Variants in RBPMS observed in about 807,000 individuals in gnomAD.
RBPMS encodes RNA binding protein, mRNA processing factor.
A neutral mutation model predicts 26.8 loss-of-function variants in RBPMS; 7 were observed. The ratio of observed to expected loss-of-function variants is 0.26; its 90% CI spans 0.15 to 0.49. The LOEUF (loss-of-function observed/expected upper bound fraction) is 0.49. Ranked by LOEUF, RBPMS falls within the 20% of genes least tolerant of loss-of-function variation. The pLI is 0.98. For synonymous variants in RBPMS, 96 were observed against 93.3 expected, an observed-to-expected ratio of 1.03 and a Z score of -0.17; for missense variants, 186 against 250.0, an observed-to-expected ratio of 0.74 and a Z score of 1.73.
At chr8:30,421,496 A>G (rs574064293) in intron 1 of RBPMS, among the ~76,000 whole-genome samples, 1 of 152,314 alleles carries the variant, frequency 6.6e-6, no homozygotes, top group South Asian at 2.1e-4. Flanking sequence ...TTCCTTAAGT[A>G]CAAACATCAT....
At chr8:30,496,729 T>TA (rs1820002446) in intron 4 of RBPMS, among the ~76,000 whole-genome samples, 1 of 152,200 alleles carries the variant, frequency 6.6e-6, no homozygotes, top group Non-Finnish European at 1.5e-5. Context: ...AACACAGTGA[T>TA]ATATTAATAA....
chr8:30,533,469 C>A (rs959450608), intron 5 of RBPMS, among the ~76,000 whole-genome samples: 1 of 152,178 alleles, frequency 6.6e-6, no homozygotes, highest in Non-Finnish European at 1.5e-5. Context: ...TTGTTGCTAG[C>A]AGCTTTGTTA....
In RBPMS at chr8:30,563,050, C is replaced by T. The variant is rs1251549811; in HGVS notation, c.*8-3207C>T. Among the ~76,000 whole-genome samples, 3 of 152,158 alleles carry T rather than the reference C, an allele frequency of 2.0e-5. No homozygotes were observed. The East Asian group carries it at 5.8e-4, about 29-fold the overall frequency. On this transcript the variant is annotated intron_variant, in intron 7 of 8. Transcript: ENST00000397323. ...AGTTCTAATGGCAGAGAACTGTGGA[C>T]ACATGTACAGGAGAGGGAGTTACTG...
chr8:30,439,138 G>T (rs1282254777), intron 1 of RBPMS, among the ~76,000 whole-genome samples: 1 of 152,206 alleles, frequency 6.6e-6, no homozygotes, highest in African/African-American at 2.4e-5. Flanking sequence ...CTCTGATACT[G>T]CAGTACTAGT....
intron 1 of RBPMS, among the ~76,000 whole-genome samples, chr8:30,430,347 A>T (rs1213676551): frequency 6.6e-6 from 1 of 152,222 alleles, no homozygotes; most frequent in East Asian, 1.9e-4. Flanking sequence ...GAGGAGTAAC[A>T]AGTTGTACGT....
At chr8:30,465,727 T>G (rs147137048) in intron 1 of RBPMS, among the ~76,000 whole-genome samples, 1,716 of 152,314 alleles carry the variant, frequency 0.011, 19 homozygotes, top group Non-Finnish European at 0.017. Context: ...AGGTGGAGGT[T>G]GCAGTGTGCC....
intron 6 of RBPMS, chr8:30,555,952 C>T (rs983523591): frequency 3.0e-6 from 3 of 985,468 alleles, no homozygotes; most frequent in Non-Finnish European, 3.6e-6. Context: ...GCACCATGAG[C>T]CCTGCCGCTC....
chr8:30,547,347 A>C, intron 6 of RBPMS: 1 of 1,613,892 alleles, frequency 6.2e-7, no homozygotes, highest in Non-Finnish European at 8.5e-7. Flanking sequence ...CTTCTCCAGC[A>C]AATTAGATTT....
intron 1 of RBPMS, among the ~76,000 whole-genome samples, chr8:30,416,742 G>C (rs1406957449): frequency 6.6e-6 from 1 of 151,640 alleles, no homozygotes; most frequent in African/African-American, 2.4e-5. Context: ...CAAAGTGCTG[G>C]GATTACAGGT....
intron 6 of RBPMS, chr8:30,555,808 TG>T (rs1457078340): frequency 5.6e-6 from 5 of 897,542 alleles, no homozygotes; most frequent in African/African-American, 5.4e-5. Context: ...AGGAGTGACC[TG>T]GGGCCAAAAG....
chr8:30,557,498 A>G (rs1263261189), intron 6 of RBPMS, among the ~76,000 whole-genome samples: 1 of 152,178 alleles, frequency 6.6e-6, no homozygotes, highest in Non-Finnish European at 1.5e-5. Flanking sequence ...CTGTAAAACA[A>G]GGAGATGAGG....
rs758751339 is a variant in RBPMS at position 30,558,972 on chromosome 8, C to T, written c.*7+16C>T. ...TGAATACTATGTAAGTACTCGCTTT[C>T]CTTTGGAATGTGCGAAGCCCCTAGA... On this transcript the variant is annotated intron_variant, in intron 7 of 8. Transcript: ENST00000397323. The T allele has an allele frequency of 1.2e-6, 2 of 1,610,174 alleles. No homozygotes were observed. Among genetic ancestry groups the T allele is most frequent in the South Asian group, 1.1e-5 (1 of 91,010 alleles).
chr8:30,533,518 C>T (rs2151017865), intron 5 of RBPMS, among the ~76,000 whole-genome samples: 1 of 152,294 alleles, frequency 6.6e-6, no homozygotes, highest in South Asian at 2.1e-4. Context: ...GGTGGCTTTG[C>T]TCCTGTAGGT....
intron 1 of RBPMS, among the ~76,000 whole-genome samples, chr8:30,447,590 T>G (rs1313702664): frequency 6.6e-6 from 1 of 152,186 alleles, no homozygotes; most frequent in East Asian, 1.9e-4. Context: ...GATCTCCTAA[T>G]TCTTAATTTA....
intron 1 of RBPMS, among the ~76,000 whole-genome samples, chr8:30,445,648 G>GTA: frequency 4.6e-5 from 1 of 21,912 alleles, no homozygotes; most frequent in African/African-American, 2.1e-4. Context: ...ATATACACAC[G>GTA]GATATATATA....
intron 1 of RBPMS, among the ~76,000 whole-genome samples, chr8:30,441,925 G>A (rs930249050): frequency 6.6e-6 from 1 of 152,148 alleles, no homozygotes; most frequent in Admixed American, 6.5e-5. Flanking sequence ...GAGTAGCTGG[G>A]ATTACAGGCG....
intron 4 of RBPMS, among the ~76,000 whole-genome samples, chr8:30,496,318 G>A (rs149355151): frequency 0.011 from 1,610 of 152,028 alleles, 32 homozygotes; most frequent in African/African-American, 0.036. Flanking sequence ...ACAGGCGTCC[G>A]CCACCACGCC....
chr8:30,517,189 C>CGTGT (rs56327512), intron 5 of RBPMS, among the ~76,000 whole-genome samples: 9,625 of 132,322 alleles, frequency 0.073, 389 homozygotes, highest in Middle Eastern at 0.1. Flanking sequence ...GCCAAGACCC[C>CGTGT]GTGTGTGTGT....
chr8:30,438,814 C>T (rs1056833380), intron 1 of RBPMS, among the ~76,000 whole-genome samples: 6 of 152,086 alleles, frequency 3.9e-5, no homozygotes, highest in African/African-American at 1.4e-4. Context: ...GCTCTGCCAG[C>T]CCCGGCTGGA....
Sources: allele counts gnomAD v4.1 joint callset (sites outside exome capture counted in the v4.1 genomes callset), GRCh38; gene constraint gnomAD v4.1.1; transcripts MANE v1.5; gene names NCBI Gene and HGNC (gene_info 2026-07-23, HGNC 2026-07-21).